The following HDAC6 variants were observed in gnomAD, a reference collection of about 807,000 sequenced individuals.
HDAC6 encodes the protein protein deacetylase HDAC6.
HDAC6 carries 5 observed loss-of-function variants against 88.9 expected under a neutral mutation model. The observed-to-expected ratio is 0.06, with a 90% CI of 0.03 to 0.12. The LOEUF is 0.12. HDAC6 is among the 10% of genes least tolerant of loss of function. The pLI is 1.00. For missense variants in HDAC6, 706 were observed against 1,014.4 expected, an observed-to-expected ratio of 0.70 and a Z score of 4.13; for synonymous variants, 378 against 398.0, an observed-to-expected ratio of 0.95 and a Z score of 0.60.
intron 14 of HDAC6, 73 bp from the exon 15 acceptor site, chrX:48,815,311 T>C (rs782629350): frequency 1.3e-6 from 1 of 774,831 alleles, no homozygotes. Flanking sequence ...CACTCTCTTA[T>C]TATCATCATT....
chrX:48,802,344 G>T, intron 1 of HDAC6: 4 of 888,826 alleles, frequency 4.5e-6, no homozygotes, highest in Non-Finnish European at 5.7e-6. Flanking sequence ...TAGAAGGGGC[G>T]GTGATTGGTT....
rs2062821943 is a variant in HDAC6 at position 48,806,592 on chromosome X, C to T, written c.535-17C>T. On this transcript the variant is annotated splice_polypyrimidine_tract_variant and intron_variant, in intron 7 of 28. Transcript: ENST00000334136. The stretch of plus-strand genomic sequence containing the variant: ...TCTCTCCCTTACTCCCTTTCTGGCT[C>T]CCCACTGTCTCTCCAGAACTCATAC... 8.6e-7 allele frequency: 1 copy of T among 1,160,017 alleles called. No individual in the cohort carries two copies. Among genetic ancestry groups the T allele is most frequent in the Non-Finnish European group, 1.2e-6 (1 of 850,526 alleles).
intron 22 of HDAC6, among the ~76,000 whole-genome samples, 191 bp downstream of exon 22, chrX:48,818,603 G>A (rs2063029627): frequency 8.9e-6 from 1 of 112,377 alleles, no homozygotes; most frequent in Admixed American, 9.4e-5. Flanking sequence ...ACAGATGGCT[G>A]TACATGACTG....
chrX:48,802,477 G>A (rs1214790763), intron 1 of HDAC6, 186 bp from the exon 2 acceptor site: 7 of 1,069,240 alleles, frequency 6.5e-6, no homozygotes, highest in South Asian at 4.8e-5. Context: ...GCGGGGCCGG[G>A]TAGAATGGCC....
Position 48,803,396 on chromosome X carries a change from A to G in HDAC6, c.311+180A>G, listed in dbSNP as rs1557023179. 26 of 431,168 alleles carry G rather than the reference A, an allele frequency of 6.0e-5. No individual in the cohort carries two copies. In the South Asian group the frequency reaches 7.7e-4, roughly 13 times the overall value. 35.5% of individuals were successfully genotyped at this position (431,168 alleles called of 1,213,427 possible). On this transcript the variant is annotated intron_variant, in intron 4 of 28. Transcript: ENST00000334136. ...GCTAACAAACATTTATTGAGTGCCT[A>G]TTGTGTGCCAAGAGTTGGTGATACA...
intron 23 of HDAC6, 81 bp from the exon 24 acceptor site, chrX:48,822,539 T>C (rs1466060629): frequency 4.9e-5 from 39 of 802,563 alleles, no homozygotes; most frequent in Non-Finnish European, 6.7e-5. Flanking sequence ...GTAGGGAGGA[T>C]TGGGGAGGCA....
At chrX:48,813,065 G>A (rs1557026233) in intron 10 of HDAC6, among the ~76,000 whole-genome samples, 1 of 111,400 alleles carries the variant, frequency 9.0e-6, no homozygotes, top group African/African-American at 3.3e-5. Flanking sequence ...GCGCCACCAC[G>A]CCCAGCAAAT....
chrX:48,824,288 C>T lies in HDAC6; in HGVS notation c.3573C>T (p.His1191=), dbSNP rs1557031627. 4.1e-6 allele frequency: 5 copies of T among 1,209,439 alleles called. No individual in the cohort carries two copies. The highest frequency in any genetic ancestry group is 5.6e-6 in the Non-Finnish European group (5 of 894,297). The part of the protein sequence containing the change: ...AWCYYCQAYV[H]HQALLDVKNI... ...GTTACTACTGTCAGGCCTATGTCCA[C>T]CACCAGGTGGGCCCTGGGTAGACCC... Residue 1191 remains histidine, a synonymous_variant, in exon 28 of 29, where the codon CAC becomes CAT. Transcript: ENST00000334136.
Position 48,814,607 on chromosome X carries a change from C to T in HDAC6, c.933+41C>T, listed in dbSNP as rs782240476. ...CCTCTGCCCCCAAAGTGAGGCCCAG[C>T]CCCGCCCTTCTGTCAGCGGCTCGGG... On this transcript the variant is annotated intron_variant, in intron 11 of 28. Transcript: ENST00000334136. The T allele has an allele frequency of 3.8e-5, 46 of 1,206,225 alleles. No individual in the cohort carries two copies. In the African/African-American group the frequency reaches 5.6e-4, roughly 15 times the overall value.
intron 10 of HDAC6, chrX:48,814,103 G>A (rs1168060044): frequency 3.1e-5 from 8 of 255,841 alleles, no homozygotes; most frequent in Non-Finnish European, 4.9e-5. Flanking sequence ...CCCTAGAGCT[G>A]AGCCTGAAAT....
At position 48,802,972 on chromosome X, in the gene HDAC6, A is replaced by C; in HGVS notation, c.195A>C (p.Glu65Asp). The C allele has an allele frequency of 2.5e-6, 3 of 1,211,156 alleles. No individual in the cohort carries two copies. The highest frequency in any genetic ancestry group is 2.2e-6 in the Non-Finnish European group (2 of 894,990). ...KMKKLGQAME[E>D]DLIVGLQGMD... ...AGAAGCTCGGCCAAGCAATGGAAGAAGACCTAATCGTGGGACTGCAAGGGA... is the reference window on the plus strand; with the variant it reads ...AGAAGCTCGGCCAAGCAATGGAAGACGACCTAATCGTGGGACTGCAAGGGA... The change falls in exon 3 of 29, where the codon GAA becomes GAC. Residue 65 changes from glutamate (E) to aspartate (D), a missense_variant. This residue lies in a region of HDAC6 where 193 missense variants were observed against 258.2 expected (regional missense o/e 0.75). Transcript: ENST00000334136.
At chrX:48,820,387 A>C (rs2063061924) in intron 23 of HDAC6, 132 bp downstream of exon 23, 1 of 547,099 alleles carries the variant, frequency 1.8e-6, no homozygotes, top group African/African-American at 2.3e-5. Context: ...ACTGGGTAGT[A>C]ATAAGAATAA....
intron 7 of HDAC6, 46 bp downstream of exon 7, chrX:48,806,510 G>A: frequency 9.3e-7 from 1 of 1,078,883 alleles, no homozygotes. Context: ...CAATCTTGGG[G>A]TCCCCATCCC....
Position 48,823,499 on chromosome X carries a change from A to C in HDAC6, c.3100A>C (p.Thr1034Pro). The stretch of plus-strand genomic sequence containing the variant: ...GAGCACAGACCACCAGACCCCCCCA[A>C]CCTCACCTGTGCAGGGAACTACACC... ...ASSTDHQTPPTSPVQGTTPQI... is the reference protein window; with the variant it reads ...ASSTDHQTPPPSPVQGTTPQI... Residue 1034 changes from threonine to proline, a missense_variant, in exon 25 of 29, where the codon ACC becomes CCC. Physicochemically the swap from Thr to Pro is conservative, Grantham distance 38. Coordinates refer to ENST00000334136, the MANE Select transcript of HDAC6 (RefSeq NM_006044.4). 4 of 1,209,716 alleles carry C rather than the reference A, an allele frequency of 3.3e-6. No homozygotes were observed. The highest frequency in any genetic ancestry group is 3.0e-5 in the East Asian group (1 of 33,792).
intron 19 of HDAC6, 131 bp downstream of exon 19, chrX:48,816,764 G>T: frequency 4.1e-6 from 2 of 493,201 alleles, no homozygotes; most frequent in South Asian, 3.7e-5. Context: ...GGGCACGGGA[G>T]GGGGTGGGCC....
Position 48,822,656 on chromosome X carries a change from G to A in HDAC6, c.2374G>A (p.Ala792Thr). Residue 792 changes from alanine (A) to threonine (T), a missense_variant, in exon 24 of 29, where the codon GCT (alanine) becomes ACT (threonine). Ala to Thr is a moderately conservative substitution (Grantham distance 58, BLOSUM62 0). Around this residue, in one of 9 missense-constraint regions of HDAC6, gnomAD observed 138 missense variants for 303.5 expected, o/e 0.45. Transcript: ENST00000334136. The stretch of plus-strand genomic sequence containing the variant: ...CCTGACATCCATCTCAGAGTCCATG[G>A]CTGCCTGCACTCGCTCCCTCCTTGG... ...YNLTSISESM[A>T]ACTRSLLGDP... The A allele has an allele frequency of 8.3e-7, 1 of 1,205,409 alleles. No individual in the cohort carries two copies. Among genetic ancestry groups the A allele is most frequent in the African/African-American group, 1.7e-5 (1 of 57,488 alleles).
intron 10 of HDAC6, among the ~76,000 whole-genome samples, chrX:48,809,757 G>A (rs1557025420): frequency 9.2e-6 from 1 of 108,506 alleles, no homozygotes; most frequent in Non-Finnish European, 1.9e-5. Flanking sequence ...AGCTGAGATC[G>A]CACCACTGCA....
chrX:48,815,508 A>G lies in HDAC6; in HGVS notation c.1256+18A>G. ...TGCCGGAGGTGAGCCCCGGTGGAGG[A>G]GGGGAAAGCGGGAGCCTCACTGCCC... On this transcript the variant is annotated intron_variant, in intron 15 of 28. Coordinates refer to ENST00000334136, the MANE Select transcript of HDAC6 (RefSeq NM_006044.4). The G allele has an allele frequency of 8.4e-7, 1 of 1,196,787 alleles. No individual in the cohort carries two copies. The highest frequency in any genetic ancestry group is 1.1e-6 in the Non-Finnish European group (1 of 882,724).
In HDAC6 at chrX:48,823,022, C is replaced by T. The variant is rs141406512; in HGVS notation, c.2623C>T (p.Leu875=). The change falls in exon 25 of 29, where the codon CTG becomes TTG. Residue 875 remains leucine, a synonymous_variant. Transcript: ENST00000334136. ...GATGACCACACGAGAAAAGAAGGTTCTGGAAGCAGGCATGGGGAAAGTCAC... is the reference window on the plus strand; with the variant it reads ...GATGACCACACGAGAAAAGAAGGTTTTGGAAGCAGGCATGGGGAAAGTCAC... ...ERMTTREKKV[L]EAGMGKVTSA... is the part of the protein sequence containing the mutation. The T allele has an allele frequency of 5.0e-6, 6 of 1,209,604 alleles. No homozygotes were observed. The African/African-American group carries it at 1.1e-4, about 21-fold the overall frequency.
Sources: gnomAD v4.1 joint callset for allele counts (sites outside exome capture counted in the v4.1 genomes callset) on GRCh38, gnomAD v4.1.1 for gene constraint, gnomAD v4.1.1 regional missense constraint, MANE v1.5 for transcripts, NCBI Gene and HGNC (gene_info 2026-07-23, HGNC 2026-07-21) for gene names.